Variants in DMXL1 observed in about 807,000 individuals in gnomAD.
DMXL1 encodes the protein dmX-like protein 1.
DMXL1 carries 99 observed loss-of-function variants against 319.2 expected under a neutral mutation model. The observed-to-expected ratio is 0.31, with a 90% CI of 0.26 to 0.37. The LOEUF (loss-of-function observed/expected upper bound fraction) is 0.37, where lower values mean the gene tolerates loss of function less well. DMXL1 is among the 10% of genes least tolerant of loss of function. The probability of loss-of-function intolerance (pLI) is 1.00; values close to 1 mark genes in which losing one functional copy is unlikely to be tolerated. For missense variants in DMXL1, 3,745 were observed against 3,595.6 expected (o/e 1.04, Z -1.06); for synonymous variants, 1,385 against 1,235.2 (o/e 1.12, Z -2.54).
At chr5:119,177,929 ATATAGT>A (rs1427848271) in intron 27 of DMXL1, 61 bp from the exon 28 acceptor site, 1 of 1,380,752 alleles carries the variant, frequency 7.2e-7, no homozygotes, top group Non-Finnish European at 9.6e-7. Flanking sequence ...AATTAGAAAA[ATATAGT>A]TAATTTTTAA....
rs144142544 is a variant in DMXL1, at chr5:119,172,166, C to A, written c.6681+197C>A. ...CTTATCTTACTCATGTTACTTACAC[C>A]CGGTAGAGTTCTTGAATTTTTTATC... On this transcript the variant is annotated intron_variant, in intron 25 of 43. Coordinates refer to ENST00000539542, the MANE Select transcript of DMXL1 (RefSeq NM_001290321.3). Among the ~76,000 whole-genome samples, 220 of 152,036 alleles carry A rather than the reference C, an allele frequency of 1.4e-3. 1 individual carries two copies. The highest frequency in any genetic ancestry group is 0.012 in the Admixed American group (189 of 15,276).
At chr5:119,082,010 TATATATATATACACAC>T (rs1357348515) in intron 1 of DMXL1, among the ~76,000 whole-genome samples, 776 of 77,170 alleles carry the variant, frequency 0.01, 3 homozygotes, top group African/African-American at 0.026. Context: ...TATATATATA[TATATATATATACACAC>T]ACACACACAC....
At chr5:119,168,138 G>GT (rs1178859397) in intron 23 of DMXL1, among the ~76,000 whole-genome samples, 1 of 152,108 alleles carries the variant, frequency 6.6e-6, no homozygotes, top group African/African-American at 2.4e-5. Flanking sequence ...AAGAAATACT[G>GT]TTATAAAGCC....
intron 7 of DMXL1, 28 bp downstream of exon 7, chr5:119,116,364 A>G (rs778428357): frequency 6.3e-6 from 10 of 1,590,152 alleles, no homozygotes; most frequent in Admixed American, 1.8e-5. Context: ...TTCCCTCCAC[A>G]TATTAAGGGA....
intron 5 of DMXL1, 63 bp from the exon 6 acceptor site, chr5:119,114,412 G>C: frequency 8.6e-7 from 1 of 1,161,076 alleles, no homozygotes; most frequent in South Asian, 1.4e-5. Flanking sequence ...ATAATTTTGA[G>C]AATATTGAAC....
intron 35 of DMXL1, among the ~76,000 whole-genome samples, chr5:119,219,482 A>G (rs181705669): frequency 1.3e-5 from 2 of 152,304 alleles, no homozygotes; most frequent in Admixed American, 6.5e-5. Context: ...AAAATCTAAC[A>G]TAACAGTAAT....
chr5:119,094,899 C>G (rs1755586207), intron 1 of DMXL1, among the ~76,000 whole-genome samples: 2 of 148,380 alleles, frequency 1.3e-5, no homozygotes, highest in Admixed American at 6.8e-5. Flanking sequence ...AGGTCTCACT[C>G]TGTTGCCTGG....
At chr5:119,114,306 A>G (rs1300905579) in intron 5 of DMXL1, among the ~76,000 whole-genome samples, 169 bp from the exon 6 acceptor site, 1 of 152,226 alleles carries the variant, frequency 6.6e-6, no homozygotes, top group African/African-American at 2.4e-5. Context: ...TTTTATATTT[A>G]AAATTTATCT....
At chr5:119,102,158 T>C (rs1184893678) in intron 3 of DMXL1, 152 bp downstream of exon 3, 1 of 459,980 alleles carries the variant, frequency 2.2e-6, no homozygotes, top group Non-Finnish European at 3.9e-6. Flanking sequence ...AAAAATATAT[T>C]TAAATTTTTC....
At chr5:119,241,936 A>T (rs1788902381) in intron 42 of DMXL1, among the ~76,000 whole-genome samples, 1 of 152,230 alleles carries the variant, frequency 6.6e-6, no homozygotes, top group Non-Finnish European at 1.5e-5. Context: ...TACAGTATGT[A>T]CTATAATTAA....
In DMXL1 at chr5:119,120,993, G is replaced by C; in HGVS notation, c.956G>C (p.Arg319Thr). 6.2e-7 allele frequency: 1 copy of C among 1,605,356 alleles called. No homozygotes were observed. The highest frequency in any genetic ancestry group is 1.1e-5 in the South Asian group (1 of 88,972). The change falls in exon 9 of 44, where the codon AGA (arginine) becomes ACA (threonine). Residue 319 changes from arginine to threonine, a missense_variant. Physicochemically the swap from Arg to Thr is moderately conservative, Grantham distance 71. This residue lies in a region of DMXL1 where 2,096 missense variants were observed against 1,985.4 expected (regional missense o/e 1.06). Coordinates refer to ENST00000539542, the MANE Select transcript of DMXL1 (RefSeq NM_001290321.3). The stretch of plus-strand genomic sequence containing the variant: ...CAGGTAAATCTGAGACATTTTCGTA[G>C]AGGTCGGAGGAGATCACTTGCTCTT... ...ALEVNLRHFR[R>T]GRRRSLALVA...
At chr5:119,171,326 G>T in intron 24 of DMXL1, 46 bp downstream of exon 24, 1 of 1,511,674 alleles carries the variant, frequency 6.6e-7, no homozygotes, top group African/African-American at 1.4e-5. Flanking sequence ...GTCTAAAACT[G>T]TTTTTGGTGT....
chr5:119,088,130 G>C (rs1753785472), intron 1 of DMXL1, among the ~76,000 whole-genome samples: 1 of 152,098 alleles, frequency 6.6e-6, no homozygotes, highest in African/African-American at 2.4e-5. Context: ...TGAGAGCTCT[G>C]GTGTTGGGCG....
At position 119,170,484 on chromosome 5, in the gene DMXL1, T is replaced by A; in HGVS notation, c.5693T>A (p.Leu1898Gln). The stretch of plus-strand genomic sequence containing the variant: ...CCTTTTTATAGGGCTTCTAGTTTTC[T>A]GGATACTAGTAAAGACTGTTCTCCT... Reference protein sequence around the residue: ...TRPFYRASSFLDTSKDCSPSS... With the variant: ...TRPFYRASSFQDTSKDCSPSS... The change falls in exon 24 of 44, where the codon CTG (leucine) becomes CAG (glutamine). Residue 1898 changes from leucine to glutamine, a missense_variant. By Grantham distance (113) the Leu-to-Gln change is moderately radical (BLOSUM62 -2). This residue lies in a region of DMXL1 where 1,382 missense variants were observed against 1,269.5 expected (regional missense o/e 1.09). Coordinates refer to ENST00000539542, the MANE Select transcript of DMXL1 (RefSeq NM_001290321.3). 2 of 1,613,784 alleles carry A rather than the reference T, an allele frequency of 1.2e-6. No homozygotes were observed. The highest frequency in any genetic ancestry group is 1.7e-6 in the Non-Finnish European group (2 of 1,179,890).
intron 3 of DMXL1, among the ~76,000 whole-genome samples, chr5:119,102,556 C>T (rs1174822508): frequency 1.3e-5 from 2 of 152,080 alleles, no homozygotes; most frequent in Non-Finnish European, 2.9e-5. Flanking sequence ...ATGCTTGTGC[C>T]TGTAATCCTC....
At chr5:119,172,822 T>C (rs1774859630) in intron 25 of DMXL1, among the ~76,000 whole-genome samples, 1 of 152,226 alleles carries the variant, frequency 6.6e-6, no homozygotes, top group Admixed American at 6.5e-5. Flanking sequence ...TTCCTGATGG[T>C]GGACTGTCCT....
Position 119,167,676 on chromosome 5 carries a change from C to T in DMXL1, c.5210C>T (p.Thr1737Ile), listed in dbSNP as rs764505177. 6.2e-6 allele frequency: 10 copies of T among 1,612,948 alleles called. No individual in the cohort carries two copies. Among genetic ancestry groups the T allele is most frequent in the South Asian group, 1.1e-5 (1 of 91,016 alleles). Residue 1737 changes from threonine to isoleucine, a missense_variant, in exon 23 of 44, where the codon ACA (threonine) becomes ATA (isoleucine). Around this residue, in one of 4 missense-constraint regions of DMXL1, gnomAD observed 1,382 missense variants for 1,269.5 expected, o/e 1.09. Coordinates refer to ENST00000539542, the MANE Select transcript of DMXL1 (RefSeq NM_001290321.3). Reference protein sequence around the residue: ...IARLYESEFDTSAAYKSILRK... With the variant: ...IARLYESEFDISAAYKSILRK... Reference sequence around the variant, plus strand: ...AGACTCTATGAGTCTGAATTTGATACATCTGCAGCATATAAATCTATTTTA... The same window carrying T: ...AGACTCTATGAGTCTGAATTTGATATATCTGCAGCATATAAATCTATTTTA...
intron 9 of DMXL1, among the ~76,000 whole-genome samples, chr5:119,121,647 A>G (rs1056226198): frequency 6.6e-6 from 1 of 152,230 alleles, no homozygotes; most frequent in Non-Finnish European, 1.5e-5. Context: ...TTTTCTTAGT[A>G]CAGAACAACA....
At chr5:119,237,912 A>G (rs1788052517) in intron 40 of DMXL1, among the ~76,000 whole-genome samples, 3 of 152,052 alleles carry the variant, frequency 2.0e-5, no homozygotes, top group Non-Finnish European at 4.4e-5. Flanking sequence ...TATATTTCAT[A>G]TCTTCAGTGA....
Sources: allele counts gnomAD v4.1 joint callset (sites outside exome capture counted in the v4.1 genomes callset), GRCh38; gene constraint gnomAD v4.1.1; regional missense constraint gnomAD v4.1.1; transcripts MANE v1.5; gene names NCBI Gene and HGNC (gene_info 2026-07-23, HGNC 2026-07-21).